The following DNAH5 variants were observed in gnomAD, a reference collection of about 807,000 sequenced individuals.
DNAH5 encodes the protein dynein axonemal heavy chain 5.
In DNAH5, 372 loss-of-function variants were observed where a neutral mutation model predicts 518.2. The observed-to-expected ratio is 0.72, with a 90% CI of 0.66 to 0.78. The LOEUF is 0.78. Among genes scored for constraint, DNAH5 ranks in the 30% least tolerant of loss-of-function variants. The pLI, the probability that DNAH5 is intolerant of heterozygous loss-of-function variation, is 0.00. For missense variants in DNAH5, 5,523 were observed against 5,687.0 expected (o/e 0.97, Z 0.93); for synonymous variants, 2,039 against 2,025.9 (o/e 1.01, Z -0.17).
At chr5:13,782,376 G>GAGAACATATTTTCC (rs560105573) in intron 52 of DNAH5, among the ~76,000 whole-genome samples, 55 of 152,302 alleles carry the variant, frequency 3.6e-4, no homozygotes, top group African/African-American at 1.3e-3. Flanking sequence ...TGGGGAAAAG[G>GAGAACATATTTTCC]AGAACATATT....
chr5:13,904,346 A>T (rs1775025338), intron 12 of DNAH5, among the ~76,000 whole-genome samples: 1 of 149,256 alleles, frequency 6.7e-6, no homozygotes, highest in Non-Finnish European at 1.5e-5. Flanking sequence ...TGTTATATAG[A>T]GAGATATGGA....
chr5:13,814,918 T>C, intron 42 of DNAH5, 72 bp from the exon 43 acceptor site: 2 of 1,393,032 alleles, frequency 1.4e-6, no homozygotes, highest in Non-Finnish European at 2.0e-6. Flanking sequence ...AAGTTTAAAA[T>C]AGCTTGAAGA....
intron 17 of DNAH5, 103 bp downstream of exon 17, chr5:13,890,873 G>A: frequency 7.7e-7 from 1 of 1,304,514 alleles, no homozygotes; most frequent in South Asian, 1.2e-5. Context: ...ACAGAGCACT[G>A]CAAGTAGAGA....
intron 30 of DNAH5, among the ~76,000 whole-genome samples, chr5:13,857,431 TACTGCAC>T (rs1311798479): frequency 1.3e-5 from 2 of 152,196 alleles, no homozygotes; most frequent in Non-Finnish European, 2.9e-5. Flanking sequence ...AAAATGGCTA[TACTGCAC>T]AAAGTAATTT....
chr5:13,778,866 C>T (rs1295917030), intron 53 of DNAH5, among the ~76,000 whole-genome samples: 1 of 152,218 alleles, frequency 6.6e-6, no homozygotes, highest in Admixed American at 6.5e-5. Context: ...CCCTTCGTCT[C>T]ATCAGTAATG....
At chr5:13,885,375 T>C in intron 18 of DNAH5, 147 bp from the exon 19 acceptor site, 1 of 1,035,338 alleles carries the variant, frequency 9.7e-7, no homozygotes, top group Non-Finnish European at 1.4e-6. Flanking sequence ...AACATCACAC[T>C]TCTTAGGAAG....
intron 26 of DNAH5, 24 bp from the exon 27 acceptor site, chr5:13,865,930 G>A (rs759838018): frequency 1.1e-5 from 15 of 1,424,774 alleles, no homozygotes; most frequent in South Asian, 4.6e-5. Context: ...AAGTGAAAAC[G>A]CATCAAAATG....
intron 51 of DNAH5, 71 bp downstream of exon 51, chr5:13,788,645 A>C: frequency 1.5e-6 from 2 of 1,309,404 alleles, no homozygotes; most frequent in South Asian, 2.4e-5. Context: ...CATAAACTGA[A>C]TCTTCTGTCT....
chr5:13,863,278 T>C (rs1417082780), intron 28 of DNAH5, among the ~76,000 whole-genome samples: 1 of 152,154 alleles, frequency 6.6e-6, no homozygotes, highest in Non-Finnish European at 1.5e-5. Context: ...TGAGCTCATT[T>C]ACACCCATGA....
intron 61 of DNAH5, among the ~76,000 whole-genome samples, chr5:13,756,992 A>C (rs1294940758): frequency 6.6e-6 from 1 of 152,212 alleles, no homozygotes; most frequent in African/African-American, 2.4e-5. Context: ...TTTGCTAAGG[A>C]TAATGGCCTC....
intron 1 of DNAH5, among the ~76,000 whole-genome samples, chr5:13,997,067 T>A (rs1048657984): frequency 1.3e-5 from 2 of 152,224 alleles, no homozygotes; most frequent in African/African-American, 4.8e-5. Context: ...AGAGTTAGCA[T>A]CATGAGGATA....
chr5:13,903,377 T>C (rs907568637), intron 12 of DNAH5, among the ~76,000 whole-genome samples: 1 of 151,974 alleles, frequency 6.6e-6, no homozygotes, highest in Non-Finnish European at 1.5e-5. Context: ...ATATGTCTAT[T>C]GGAAATCTTG....
At chr5:13,831,089 C>T (rs2151839009) in intron 35 of DNAH5, among the ~76,000 whole-genome samples, 1 of 152,278 alleles carries the variant, frequency 6.6e-6, no homozygotes, top group East Asian at 1.9e-4. Context: ...AAAAATAATA[C>T]ATTGCATTTC....
Position 13,780,950 on chromosome 5 carries a change from C to A in DNAH5, c.8830G>T (p.Val2944Phe). ...GCATTTCCCTGAGGAGTACGAATGA[C>A]ACGAGAGATCTGTAATATGGAACAG... ...AMVHLVKISR[V>F]IRTPQGNALL... The change falls in exon 53 of 79, where the codon GTC becomes TTC. Residue 2944 changes from valine (V) to phenylalanine (F), a missense_variant. Transcript: ENST00000265104. 6.2e-7 allele frequency: 1 copy of A among 1,613,626 alleles called. No individual in the cohort carries two copies. The highest frequency in any genetic ancestry group is 8.5e-7 in the Non-Finnish European group (1 of 1,179,712).
chr5:13,839,334 T>C (rs373932763), intron 35 of DNAH5, 22 bp downstream of exon 35: 6 of 1,611,568 alleles, frequency 3.7e-6, no homozygotes, highest in South Asian at 1.1e-5. Context: ...ATGGTGGGGG[T>C]TGGGGAGAAG....
intron 1 of DNAH5, among the ~76,000 whole-genome samples, chr5:13,966,408 T>C (rs763497367): frequency 6.6e-6 from 1 of 152,202 alleles, no homozygotes; most frequent in Admixed American, 6.5e-5. Flanking sequence ...AAATGGTAGT[T>C]CTACTTTTAG....
intron 40 of DNAH5, among the ~76,000 whole-genome samples, chr5:13,822,321 G>A (rs1038247880): frequency 6.6e-6 from 1 of 150,910 alleles, no homozygotes; most frequent in East Asian, 1.9e-4. Context: ...TGTAATCACT[G>A]CTCACTGCAG....
chr5:13,706,019 C>T (rs999102590), intron 76 of DNAH5, among the ~76,000 whole-genome samples: 6 of 152,170 alleles, frequency 3.9e-5, no homozygotes, highest in Non-Finnish European at 8.8e-5. Context: ...ACTTCTGTTG[C>T]TTAAGCCACC....
intron 12 of DNAH5, among the ~76,000 whole-genome samples, chr5:13,910,910 G>A (rs1775904147): frequency 6.6e-6 from 1 of 152,234 alleles, no homozygotes; most frequent in African/African-American, 2.4e-5. Flanking sequence ...AAAGAAGGAA[G>A]AGAAAGGGGT....
Sources: gnomAD v4.1 joint callset for allele counts (sites outside exome capture counted in the v4.1 genomes callset) on GRCh38, gnomAD v4.1.1 for gene constraint, MANE v1.5 for transcripts, NCBI Gene and HGNC (gene_info 2026-07-23, HGNC 2026-07-21) for gene names.